DMRT1: variants seen among roughly 807,000 people sequenced by gnomAD.
DMRT1 encodes the protein doublesex- and mab-3-related transcription factor 1.
A neutral mutation model predicts 32.3 loss-of-function variants in DMRT1; 7 were observed. The observed-to-expected ratio is 0.22, with a 90% confidence interval of 0.12 to 0.41. DMRT1 has a LOEUF of 0.41. DMRT1 is among the 10% of genes least tolerant of loss of function. DMRT1 has a pLI of 1.00. For missense variants in DMRT1, 625 were observed against 500.5 expected, an observed-to-expected ratio of 1.25 and a Z score of -2.37; for synonymous variants, 278 against 206.1, an observed-to-expected ratio of 1.35 and a Z score of -2.99.
chr9:851,250 A>T (rs1839139277), intron 2 of DMRT1, among the ~76,000 whole-genome samples: 1 of 151,796 alleles, frequency 6.6e-6, no homozygotes, highest in Admixed American at 6.6e-5. Context: ...TTATTTATTT[A>T]TTTTTTGAGA....
At chr9:888,859 G>A (rs941728873) in intron 2 of DMRT1, among the ~76,000 whole-genome samples, 1 of 151,948 alleles carries the variant, frequency 6.6e-6, no homozygotes, top group African/African-American at 2.4e-5. Flanking sequence ...GGATGCAGTG[G>A]CTCACACCTA....
chr9:868,253 A>G (rs962451757), intron 2 of DMRT1, among the ~76,000 whole-genome samples: 6 of 152,226 alleles, frequency 3.9e-5, no homozygotes, highest in Admixed American at 1.3e-4. Context: ...TGCTGGGATT[A>G]CAGGCGTGAC....
intron 2 of DMRT1, among the ~76,000 whole-genome samples, chr9:872,772 C>T (rs1196547994): frequency 6.6e-6 from 1 of 152,088 alleles, no homozygotes; most frequent in African/African-American, 2.4e-5. Flanking sequence ...TATATGTATT[C>T]TCTTGTGTAT....
chr9:911,470 ATTTTTTTTTTTTTTTTTTTTTTTTTTT>A (rs201141931), intron 3 of DMRT1, among the ~76,000 whole-genome samples: 18,924 of 67,246 alleles, frequency 0.28, 1,987 homozygotes, highest in South Asian at 0.37. Context: ...GGTTAATTGC[ATTTTTTTTTTTTTTTTTTTTTTTTTTT>A]TTTTTTTTTT....
At chr9:930,086 T>C (rs1217908383) in intron 4 of DMRT1, among the ~76,000 whole-genome samples, 1 of 152,180 alleles carries the variant, frequency 6.6e-6, no homozygotes, top group Non-Finnish European at 1.5e-5. Flanking sequence ...GGTGTTTTCT[T>C]CTCAAATTAG....
chr9:857,587 C>A (rs1190281072), intron 2 of DMRT1, among the ~76,000 whole-genome samples: 4 of 152,054 alleles, frequency 2.6e-5, no homozygotes, highest in African/African-American at 9.7e-5. Flanking sequence ...TTCTGTTGCC[C>A]TAAAACTTGG....
Position 910,078 on chromosome 9 carries a change from C to T in DMRT1, c.823-6685C>T, listed in dbSNP as rs77330334. ...AGGAATGTTATCCTATAGAATAACT[C>T]TTCTCATTAAGACTGTTCCCCTTTC... On this transcript the variant is annotated intron_variant, in intron 3 of 4. Coordinates refer to ENST00000382276, the MANE Select transcript of DMRT1 (RefSeq NM_021951.3). Among the ~76,000 whole-genome samples, 701 of 152,298 alleles carry T rather than the reference C, an allele frequency of 4.6e-3. 9 individuals carry two copies. Among genetic ancestry groups the T allele is most frequent in the African/African-American group, 0.015 (634 of 41,552 alleles).
At chr9:907,357 A>C (rs1385880111) in intron 3 of DMRT1, among the ~76,000 whole-genome samples, 2 of 152,282 alleles carry the variant, frequency 1.3e-5, no homozygotes, top group East Asian at 3.9e-4. Flanking sequence ...AGATTTGTGA[A>C]CTAGACAAAT....
chr9:844,673 T>C (rs911949088), intron 1 of DMRT1, among the ~76,000 whole-genome samples: 3 of 151,934 alleles, frequency 2.0e-5, no homozygotes, highest in Non-Finnish European at 2.9e-5. Context: ...GACTGTGGTT[T>C]TCCTAAAACA....
chr9:867,607 A>C (rs527945491), intron 2 of DMRT1, among the ~76,000 whole-genome samples: 29 of 152,326 alleles, frequency 1.9e-4, no homozygotes, highest in African/African-American at 7.0e-4. Context: ...GAGGTTTAGT[A>C]ACTTCCACAA....
At chr9:947,693 G>A (rs1261846584) in intron 4 of DMRT1, among the ~76,000 whole-genome samples, 4 of 151,984 alleles carry the variant, frequency 2.6e-5, no homozygotes, top group African/African-American at 9.7e-5. Flanking sequence ...GCGCGATCTC[G>A]GCTCACTGCA....
At chr9:854,067 T>G (rs2132558864) in intron 2 of DMRT1, among the ~76,000 whole-genome samples, 1 of 151,478 alleles carries the variant, frequency 6.6e-6, no homozygotes, top group East Asian at 2.0e-4. Context: ...CTGCTTCAGC[T>G]CCCAAAGTGC....
chr9:949,576 A>C (rs1404389242), intron 4 of DMRT1, among the ~76,000 whole-genome samples: 2 of 152,232 alleles, frequency 1.3e-5, no homozygotes, highest in Non-Finnish European at 1.5e-5. Context: ...ATTCATGATA[A>C]GAACACTTGA....
chr9:873,557 G>C (rs865807135), intron 2 of DMRT1, among the ~76,000 whole-genome samples: 8 of 151,960 alleles, frequency 5.3e-5, no homozygotes, highest in Admixed American at 5.2e-4. Context: ...GACCTCAGGT[G>C]ATCCACCCGC....
intron 2 of DMRT1, among the ~76,000 whole-genome samples, chr9:858,955 G>T (rs188777065): frequency 6.6e-6 from 1 of 151,538 alleles, no homozygotes; most frequent in African/African-American, 2.4e-5. Flanking sequence ...TCACCATAAT[G>T]TGCAACTGTC....
chr9:850,366 C>T (rs1200821654), intron 2 of DMRT1, among the ~76,000 whole-genome samples: 1 of 152,158 alleles, frequency 6.6e-6, no homozygotes, highest in East Asian at 1.9e-4. Context: ...AGTCCTGAAG[C>T]TTGTATGCAG....
In DMRT1 at chr9:888,158, G is replaced by C. The variant is rs1223300692; in HGVS notation, c.539-5754G>C. ...ATTTGAATAGATGAATTAAGTTACT[G>C]TGGTTAGAATAAATGAAGAAAGTCT... On this transcript the variant is annotated intron_variant, in intron 2 of 4. Transcript: ENST00000382276. Among the ~76,000 whole-genome samples the C allele has an allele frequency of 2.6e-5, 4 of 152,310 alleles. No homozygotes were observed. The South Asian group carries it at 6.2e-4, about 24-fold the overall frequency.
chr9:928,984 C>T (rs1384278491), intron 4 of DMRT1, among the ~76,000 whole-genome samples: 1 of 151,898 alleles, frequency 6.6e-6, no homozygotes, highest in Non-Finnish European at 1.5e-5. Context: ...ACTACAGGTG[C>T]ATGCTACCAA....
chr9:893,741 G>C (rs1272358915), intron 2 of DMRT1, among the ~76,000 whole-genome samples, 171 bp from the exon 3 acceptor site: 2 of 152,198 alleles, frequency 1.3e-5, no homozygotes, highest in African/African-American at 4.8e-5. Context: ...AGAGTGAAGC[G>C]AACCTTAGAA....
Sources: gnomAD v4.1 joint callset for allele counts (sites outside exome capture counted in the v4.1 genomes callset) on GRCh38, gnomAD v4.1.1 for gene constraint, MANE v1.5 for transcripts, NCBI Gene and HGNC (gene_info 2026-07-23, HGNC 2026-07-21) for gene names.